CNTNAP4: variants seen among roughly 807,000 people sequenced by gnomAD.
The protein encoded by CNTNAP4 is contactin-associated protein-like 4.
Under a neutral mutation model 148.4 loss-of-function variants are expected in CNTNAP4, and 98 were observed. That is an observed-to-expected ratio of 0.66 (90% CI 0.56 to 0.78). The LOEUF is 0.78. Ranked by LOEUF, CNTNAP4 falls within the 30% of genes least tolerant of loss-of-function variation. CNTNAP4 has a pLI of 0.00. For synonymous variants in CNTNAP4, 730 were observed against 565.1 expected (o/e 1.29, Z -4.14); for missense variants, 1,935 against 1,565.6 (o/e 1.24, Z -3.98).
intron 23 of CNTNAP4, among the ~76,000 whole-genome samples, chr16:76,554,642 C>G (rs557763851): frequency 1.3e-5 from 2 of 151,850 alleles, no homozygotes; most frequent in African/African-American, 4.8e-5. Context: ...GAAATGTTAA[C>G]TTGTTCACCT....
At chr16:76,460,753 C>CAAA (rs1158805627) in intron 8 of CNTNAP4, among the ~76,000 whole-genome samples, 3 of 15,488 alleles carry the variant, frequency 1.9e-4, no homozygotes, top group African/African-American at 6.3e-4. Flanking sequence ...ACTCATGTCT[C>CAAA]AAAAAAAAAA....
At chr16:76,456,081 C>A (rs1055434997) in intron 8 of CNTNAP4, among the ~76,000 whole-genome samples, 2 of 149,508 alleles carry the variant, frequency 1.3e-5, no homozygotes, top group South Asian at 4.4e-4. Flanking sequence ...GCAAACACTT[C>A]CATCTACTAT....
At chr16:76,340,765 G>T (rs898362616) in intron 2 of CNTNAP4, among the ~76,000 whole-genome samples, 1 of 152,130 alleles carries the variant, frequency 6.6e-6, no homozygotes, top group Non-Finnish European at 1.5e-5. Flanking sequence ...TTATTCAAGC[G>T]TGAGAACTCC....
At chr16:76,330,989 GT>G (rs775486709) in intron 2 of CNTNAP4, among the ~76,000 whole-genome samples, 2 of 152,122 alleles carry the variant, frequency 1.3e-5, no homozygotes, top group Non-Finnish European at 2.9e-5. Flanking sequence ...TTTTACTAAA[GT>G]TTTTAAAAAT....
intron 2 of CNTNAP4, among the ~76,000 whole-genome samples, chr16:76,341,003 T>C (rs932098569): frequency 2.0e-5 from 3 of 152,214 alleles, no homozygotes; most frequent in East Asian, 1.9e-4. Flanking sequence ...TCTGACACTT[T>C]ATATTTTTTG....
At chr16:76,420,755 A>T (rs576007879) in intron 3 of CNTNAP4, among the ~76,000 whole-genome samples, 1 of 152,200 alleles carries the variant, frequency 6.6e-6, no homozygotes, top group East Asian at 1.9e-4. Flanking sequence ...ATCCCTAAAG[A>T]GAAAGCCTCA....
chr16:76,461,030 A>G (rs146865201), intron 8 of CNTNAP4, among the ~76,000 whole-genome samples: 63 of 151,828 alleles, frequency 4.1e-4, no homozygotes, highest in African/African-American at 1.4e-3. Flanking sequence ...TTGTCAATTC[A>G]TTAACATTGG....
intron 2 of CNTNAP4, among the ~76,000 whole-genome samples, chr16:76,330,750 G>C (rs1310775987): frequency 6.6e-6 from 1 of 152,104 alleles, no homozygotes; most frequent in Non-Finnish European, 1.5e-5. Flanking sequence ...TCAATTCTAT[G>C]ATTAGTAAAA....
intron 15 of CNTNAP4, among the ~76,000 whole-genome samples, chr16:76,514,511 G>T (rs950896603): frequency 1.8e-4 from 28 of 152,068 alleles, no homozygotes; most frequent in Admixed American, 7.2e-4. Context: ...AACAAGTTCT[G>T]CTCTGCCTTC....
At chr16:76,394,709 A>C (rs2078137172) in intron 3 of CNTNAP4, among the ~76,000 whole-genome samples, 1 of 152,322 alleles carries the variant, frequency 6.6e-6, no homozygotes, top group Non-Finnish European at 1.5e-5. Flanking sequence ...TACCTACTTA[A>C]ATGTTTAATT....
At chr16:76,498,445 G>A (rs16944516) in intron 14 of CNTNAP4, 122 bp from the exon 15 acceptor site, 20,338 of 632,810 alleles carry the variant, frequency 0.032, 753 homozygotes, top group African/African-American at 0.15. Flanking sequence ...TATGTGCTCC[G>A]ATGAGTGACT....
chr16:76,517,827 C>T (rs1042038137), intron 15 of CNTNAP4, among the ~76,000 whole-genome samples: 2 of 152,126 alleles, frequency 1.3e-5, no homozygotes, highest in Non-Finnish European at 1.5e-5. Flanking sequence ...CTCCCTCGAT[C>T]GCTCCATCTC....
In CNTNAP4 at chr16:76,334,181, TAATAATA is replaced by T. The variant is rs551891239; in HGVS notation, c.196+17660_196+17666del. Among the ~76,000 whole-genome samples the T allele has an allele frequency of 1.2e-3, 98 of 84,566 alleles. 1 individual carries two copies. Among genetic ancestry groups the T allele is most frequent in the Middle Eastern group, 7.0e-3 (1 of 142 alleles). 55.5% of individuals were successfully genotyped at this position (84,566 alleles called of 152,430 possible). ...ATGTACCCTAAAACTTAAAGTATAA[TAATAATA>T]ATAATAATAATAATAAACAGCCTAT... On this transcript the variant is annotated intron_variant, in intron 2 of 23. Transcript: ENST00000611870.
intron 14 of CNTNAP4, among the ~76,000 whole-genome samples, chr16:76,498,173 T>A (rs1314890952): frequency 6.6e-6 from 1 of 152,172 alleles, no homozygotes; most frequent in Non-Finnish European, 1.5e-5. Flanking sequence ...AGTGGATCAC[T>A]TGAGGCCAGG....
intron 1 of CNTNAP4, among the ~76,000 whole-genome samples, chr16:76,304,547 G>T (rs1340856058): frequency 6.6e-6 from 1 of 152,164 alleles, no homozygotes; most frequent in South Asian, 2.1e-4. Context: ...TCAGCTTTGT[G>T]CATTGAAGGG....
In CNTNAP4 at chr16:76,539,735, G is replaced by A; in HGVS notation, c.3237G>A (p.Arg1079=). 1 of 1,597,790 alleles carries A rather than the reference G, an allele frequency of 6.3e-7. No homozygotes were observed. Among genetic ancestry groups the A allele is most frequent in the Non-Finnish European group, 8.5e-7 (1 of 1,174,752 alleles). Residue 1079 remains arginine, a synonymous_variant, in exon 20 of 24, where the codon AGG becomes AGA. Coordinates refer to ENST00000611870, the MANE Select transcript of CNTNAP4 (RefSeq NM_033401.5). ...CCACTCTAGGAAGTTTGCAGATCAGGTACAAGTTAAATAAATATCAAGAGC... is the reference window on the plus strand; with the variant it reads ...CCACTCTAGGAAGTTTGCAGATCAGATACAAGTTAAATAAATATCAAGAGC... ...IIAKNGSLQI[R]YKLNKYQEPD...
intron 12 of CNTNAP4, among the ~76,000 whole-genome samples, chr16:76,483,173 A>G (rs1416326173): frequency 6.6e-6 from 1 of 151,254 alleles, no homozygotes; most frequent in Non-Finnish European, 1.5e-5. Flanking sequence ...AGGAAGTTTC[A>G]TTCTGAAATT....
At chr16:76,304,176 C>A (rs1409968346) in intron 1 of CNTNAP4, among the ~76,000 whole-genome samples, 5 of 152,010 alleles carry the variant, frequency 3.3e-5, no homozygotes, top group Non-Finnish European at 7.4e-5. Flanking sequence ...ATCCTCATTT[C>A]GAGATAGGAA....
chr16:76,497,230 T>C (rs2082428856), intron 14 of CNTNAP4, among the ~76,000 whole-genome samples: 1 of 152,158 alleles, frequency 6.6e-6, no homozygotes. Context: ...ATTTACAATA[T>C]ATTACAGCAA....
Sources: allele counts gnomAD v4.1 joint callset (sites outside exome capture counted in the v4.1 genomes callset), GRCh38; gene constraint gnomAD v4.1.1; transcripts MANE v1.5; gene names NCBI Gene and HGNC (gene_info 2026-07-23, HGNC 2026-07-21).